The following CASZ1 variants were observed in gnomAD, a reference collection of about 807,000 sequenced individuals.
CASZ1 encodes the protein castor zinc finger 1.
Under a neutral mutation model 135.2 loss-of-function variants are expected in CASZ1, and 28 were observed. That is an observed-to-expected ratio of 0.21 (90% CI 0.15 to 0.28). CASZ1 has a LOEUF of 0.28. Ranked by LOEUF, CASZ1 falls within the 10% of genes least tolerant of loss-of-function variation. CASZ1 has a pLI of 1.00. For missense variants in CASZ1, 2,161 were observed against 2,453.3 expected, an observed-to-expected ratio of 0.88 and a Z score of 2.52; for synonymous variants, 1,068 against 1,073.4, an observed-to-expected ratio of 0.99 and a Z score of 0.10.
At chr1:10,795,304 G>A (rs1641043915) in intron 1 of CASZ1, among the ~76,000 whole-genome samples, 1 of 152,156 alleles carries the variant, frequency 6.6e-6, no homozygotes, top group African/African-American at 2.4e-5. Flanking sequence ...CGGGAAACCG[G>A]CTCTCTCCCT....
chr1:10,687,519 C>T (rs1044158368), intron 4 of CASZ1, among the ~76,000 whole-genome samples: 3 of 152,234 alleles, frequency 2.0e-5, no homozygotes, highest in Non-Finnish European at 4.4e-5. Context: ...GAAGCCCTGG[C>T]GCCTGGCTGG....
At chr1:10,667,115 T>G (rs1643260720) in intron 4 of CASZ1, among the ~76,000 whole-genome samples, 1 of 152,146 alleles carries the variant, frequency 6.6e-6, no homozygotes. Context: ...GGAAACCCGA[T>G]GAGAGGCCTA....
In CASZ1 at chr1:10,653,383, C is replaced by A; in HGVS notation, c.2674G>T (p.Asp892Tyr). The change falls in exon 11 of 21, where the codon GAC becomes TAC. Residue 892 changes from aspartate (D) to tyrosine (Y), a missense_variant. This residue lies in a region of CASZ1 where 406 missense variants were observed against 387.6 expected (regional missense o/e 1.05). Coordinates refer to ENST00000377022, the MANE Select transcript of CASZ1 (RefSeq NM_001079843.3). ...AAALKPSATF[D>Y]PGSGQQVTPA... ...CAGGACCCAGCCTGCTCACCTGGGT[C>A]AAAGGTGGCAGAGGGCTTGAGGGCA... 6.2e-7 allele frequency: 1 copy of A among 1,613,156 alleles called. No homozygotes were observed. Among genetic ancestry groups the A allele is most frequent in the South Asian group, 1.1e-5 (1 of 91,008 alleles).
rs2100587034 is a variant in CASZ1 at position 10,767,585 on chromosome 1, T to C, written c.-233-6728A>G. Among the ~76,000 whole-genome samples, 1 of 152,328 alleles carries C rather than the reference T, an allele frequency of 6.6e-6. No homozygotes were observed. The highest frequency in any genetic ancestry group is 6.5e-5 in the Admixed American group (1 of 15,300). On this transcript the variant is annotated intron_variant, in intron 1 of 20. Transcript: ENST00000377022. The surrounding 1 kb of genome is among the most constrained non-coding windows in gnomAD (Gnocchi z 4.2). ...TCCACACCTGCTCGGAGACCAGGCT[T>C]GGTGGCTCAGCCCTTTCTGCCATCG...
intron 3 of CASZ1, among the ~76,000 whole-genome samples, chr1:10,702,147 T>C (rs284288): frequency 0.46 from 70,558 of 152,114 alleles, 18,592 homozygotes; most frequent in African/African-American, 0.73. Context: ...GTGACACATG[T>C]CCGCTTCCTT....
chr1:10,647,484 G>C lies in CASZ1; in HGVS notation c.3497+317C>G. ...AGGGAGACGCAGCCCTCCTTGTCAG[G>C]CTGGGAGTTGTCCTCTGAGGACCAC... On this transcript the variant is annotated intron_variant, in intron 16 of 20. Coordinates refer to ENST00000377022, the MANE Select transcript of CASZ1 (RefSeq NM_001079843.3). This position sits in a 1 kb window ranked among gnomAD's most constrained non-coding sequence, Gnocchi z 4.9. 1 of 1,265,346 alleles carries C rather than the reference G, an allele frequency of 7.9e-7. No homozygotes were observed. The highest frequency in any genetic ancestry group is 1.0e-6 in the Non-Finnish European group (1 of 995,448). 78.4% of individuals were successfully genotyped at this position (1,265,346 alleles called of 1,614,324 possible).
At chr1:10,716,917 GCT>G (rs1428914214) in intron 2 of CASZ1, among the ~76,000 whole-genome samples, 1 of 152,166 alleles carries the variant, frequency 6.6e-6, no homozygotes, top group South Asian at 2.1e-4. Flanking sequence ...ATGACAGGCG[GCT>G]CTCTCTCCCT....
At chr1:10,668,239 C>G (rs944742479) in intron 4 of CASZ1, among the ~76,000 whole-genome samples, 2 of 152,124 alleles carry the variant, frequency 1.3e-5, no homozygotes, top group Non-Finnish European at 2.9e-5. Context: ...GATCCATAGA[C>G]GATCCGCCCC....
At chr1:10,678,359 A>G (rs1273203600) in intron 4 of CASZ1, among the ~76,000 whole-genome samples, 53 of 151,600 alleles carry the variant, frequency 3.5e-4, no homozygotes, top group Admixed American at 3.5e-3. Flanking sequence ...TCACCTCCCT[A>G]ATCCTATATT....
rs914846569 is a variant in CASZ1, at chr1:10,711,958, G to A, written c.-76-6414C>T. The stretch of plus-strand genomic sequence containing the variant: ...TGAGGAGGGACTGCTAAGGGGTTCA[G>A]GGTTTCTGTCTGGAGTGATGAAAAA... On this transcript the variant is annotated intron_variant, in intron 2 of 20. Transcript: ENST00000377022. The surrounding 1 kb of genome is among the most constrained non-coding windows in gnomAD (Gnocchi z 4.4). 1.3e-5 allele frequency among the ~76,000 whole-genome samples: 2 copies of A among 152,148 alleles called. No individual in the cohort carries two copies. Among genetic ancestry groups the A allele is most frequent in the African/African-American group, 2.4e-5 (1 of 41,422 alleles).
chr1:10,643,150 G>C lies in CASZ1; in HGVS notation c.4020+10C>G. ...CCCTGGCTGGGCTCTCACCTGGGGG[G>C]GGCTCTCACCTGGGAGGGGGGCACG... On this transcript the variant is annotated intron_variant, in intron 19 of 20. Transcript: ENST00000377022. 1 of 1,609,918 alleles carries C rather than the reference G, an allele frequency of 6.2e-7. No individual in the cohort carries two copies. Among genetic ancestry groups the C allele is most frequent in the Non-Finnish European group, 8.5e-7 (1 of 1,179,042 alleles).
chr1:10,790,297 G>C (rs1026022973), intron 1 of CASZ1, among the ~76,000 whole-genome samples: 7 of 151,088 alleles, frequency 4.6e-5, no homozygotes, highest in African/African-American at 9.7e-5. Flanking sequence ...CACAGGGACC[G>C]GCCTTATCGG....
rs539455075 is a variant in CASZ1, at chr1:10,645,120, C to T, written c.3697-32G>A. 97 of 1,600,262 alleles carry T rather than the reference C, an allele frequency of 6.1e-5. No individual in the cohort carries two copies. In the East Asian group the frequency reaches 7.6e-4, roughly 13 times the overall value. On this transcript the variant is annotated intron_variant, in intron 17 of 20. Transcript: ENST00000377022. ...GGAGACACGGGAGGGTCAGGACAGG[C>T]GGGTGACTTTCAAGAGCTCCTGCCT...
intron 1 of CASZ1, among the ~76,000 whole-genome samples, chr1:10,778,180 C>T (rs571036119): frequency 6.2e-4 from 95 of 152,090 alleles, no homozygotes; most frequent in African/African-American, 2.1e-3. Context: ...CTCACAATCT[C>T]GCACACAATC....
At chr1:10,742,352 T>C (rs543391709) in intron 2 of CASZ1, among the ~76,000 whole-genome samples, 27 of 152,270 alleles carry the variant, frequency 1.8e-4, no homozygotes, top group Non-Finnish European at 3.5e-4. Flanking sequence ...TAAAGTTATT[T>C]TGTTTTTCCT....
At chr1:10,696,351 C>T (rs1188350248) in intron 3 of CASZ1, among the ~76,000 whole-genome samples, 2 of 152,194 alleles carry the variant, frequency 1.3e-5, no homozygotes, top group Non-Finnish European at 2.9e-5. Flanking sequence ...GCCTAGAAAC[C>T]TTACTGAGCT....
At chr1:10,773,362 C>T (rs1239127824) in intron 1 of CASZ1, among the ~76,000 whole-genome samples, 2 of 131,160 alleles carry the variant, frequency 1.5e-5, no homozygotes, top group Non-Finnish European at 3.2e-5. Context: ...TAGAGACAGA[C>T]GTGGGCAGAG....
At chr1:10,656,974 G>A (rs1032430037) in intron 7 of CASZ1, among the ~76,000 whole-genome samples, 2 of 152,158 alleles carry the variant, frequency 1.3e-5, no homozygotes, top group African/African-American at 2.4e-5. Flanking sequence ...GTCAAAGTAG[G>A]GGGAGACAGA....
chr1:10,639,346 G>A lies in CASZ1; in HGVS notation c.4876C>T (p.Pro1626Ser). 6.6e-7 allele frequency: 1 copy of A among 1,511,544 alleles called. No individual in the cohort carries two copies. The highest frequency in any genetic ancestry group is 2.5e-5 in the East Asian group (1 of 39,834). The allele number at this position is 1,511,544 out of a possible 1,614,324, so 93.6% of individuals were successfully genotyped here. A position where few individuals can be genotyped will look rare whatever the true frequency, so the allele number is the denominator to read the frequency against. The stretch of plus-strand genomic sequence containing the variant: ...GACTGCAGGAAGAGCAGCGAGCCCG[G>A]CTCGGCGCCCAGCGACAGGGAGCCG... ...LDGSLSLGAE[P>S]GSLLFLQSAA... Residue 1626 changes from proline to serine, a missense_variant, in exon 21 of 21, where the codon CCG becomes TCG. This residue lies in a region of CASZ1 where 240 missense variants were observed against 321.4 expected (regional missense o/e 0.75). Transcript: ENST00000377022. The surrounding 1 kb of genome is among the most constrained non-coding windows in gnomAD (Gnocchi z 4.0).
Sources: allele counts gnomAD v4.1 joint callset (sites outside exome capture counted in the v4.1 genomes callset), GRCh38; gene constraint gnomAD v4.1.1; regional missense constraint gnomAD v4.1.1; non-coding constraint Gnocchi (gnomAD v3.1); transcripts MANE v1.5; gene names NCBI Gene and HGNC (gene_info 2026-07-23, HGNC 2026-07-21).